The following PCDHGA6 variants were observed in gnomAD, a reference collection of about 807,000 sequenced individuals.
PCDHGA6 encodes protocadherin gamma subfamily A, 6.
PCDHGA6 carries 41 observed loss-of-function variants against 60.6 expected under a neutral mutation model. The ratio of observed to expected loss-of-function variants is 0.68; its 90% CI spans 0.53 to 0.88. PCDHGA6 has a LOEUF of 0.88. PCDHGA6 is among the 40% of genes least tolerant of loss of function. The pLI, the probability that PCDHGA6 is intolerant of heterozygous loss-of-function variation, is 0.00. For synonymous variants in PCDHGA6, 594 were observed against 524.4 expected (o/e 1.13, Z -1.81); for missense variants, 1,312 against 1,203.0 (o/e 1.09, Z -1.34).
rs368791778 is a variant in PCDHGA6, at chr5:141,409,216, T to C, written c.2424+32709T>C. The C allele has an allele frequency of 4.3e-6, 7 of 1,613,886 alleles. No homozygotes were observed. The African/African-American group carries it at 9.3e-5, about 22-fold the overall frequency. On this transcript the variant is annotated intron_variant, in intron 1 of 3. Coordinates refer to ENST00000517434, the MANE Select transcript of PCDHGA6 (RefSeq NM_018919.3). ...AGTGTAAAGTAATCATAGAAATCCT[T>C]GATGAAAACGACAACAGCCCAGAAA...
intron 1 of PCDHGA6, chr5:141,400,610 T>C (rs1561677991): frequency 3.2e-6 from 5 of 1,573,090 alleles, no homozygotes; most frequent in Non-Finnish European, 4.4e-6. Flanking sequence ...TCAAGTCCAA[T>C]GAGTTGTCTT....
chr5:141,476,929 G>T lies in PCDHGA6; in HGVS notation c.2425-17878G>T, dbSNP rs1375082202. 6.2e-7 allele frequency: 1 copy of T among 1,614,136 alleles called. No homozygotes were observed. Among genetic ancestry groups the T allele is most frequent in the Admixed American group, 1.7e-5 (1 of 60,034 alleles). On this transcript the variant is annotated intron_variant, in intron 1 of 3. Transcript: ENST00000517434. This position sits in a 1 kb window ranked among gnomAD's most constrained non-coding sequence, Gnocchi z 7.6. ...TGGTACAAGTCCTTGCAACGGATCT[G>T]GATGAAGGCCCCAACGGTGAAATTA...
At chr5:141,507,676 A>G (rs2099862523) in intron 3 of PCDHGA6, among the ~76,000 whole-genome samples, 1 of 152,252 alleles carries the variant, frequency 6.6e-6, no homozygotes, top group African/African-American at 2.4e-5. Flanking sequence ...TCCAGATGTT[A>G]AAAACAGAAA....
intron 1 of PCDHGA6, chr5:141,423,466 G>C (rs770939556): frequency 1.2e-6 from 2 of 1,613,904 alleles, no homozygotes; most frequent in Admixed American, 3.3e-5. Context: ...CGTGGACGGG[G>C]TACAGGCTTT....
intron 1 of PCDHGA6, among the ~76,000 whole-genome samples, chr5:141,458,445 T>G (rs180720013): frequency 6.6e-6 from 1 of 151,738 alleles, no homozygotes; most frequent in East Asian, 1.9e-4. Flanking sequence ...TCCCCCACAT[T>G]AACAATTTTT....
At position 141,491,856 on chromosome 5, in the gene PCDHGA6, C is replaced by T; in HGVS notation, c.2425-2951C>T. 1.4e-6 allele frequency: 2 copies of T among 1,458,728 alleles called. No individual in the cohort carries two copies. Among genetic ancestry groups the T allele is most frequent in the Non-Finnish European group, 1.8e-6 (2 of 1,103,072 alleles). 90.4% of individuals were successfully genotyped at this position (1,458,728 alleles called of 1,614,324 possible). A position where few individuals can be genotyped will look rare whatever the true frequency, so the allele number is the denominator to read the frequency against. ...TCTCGGGATCATTGGACCGTTTGCG[C>T]GAAACCAGAGTGGCCGATTAAGGGA... On this transcript the variant is annotated intron_variant, in intron 1 of 3. Coordinates refer to ENST00000517434, the MANE Select transcript of PCDHGA6 (RefSeq NM_018919.3). The surrounding 1 kb of genome is among the most constrained non-coding windows in gnomAD (Gnocchi z 6.9).
At position 141,374,492 on chromosome 5, in the gene PCDHGA6, G is replaced by A. The variant is rs770971184; in HGVS notation, c.409G>A (p.Glu137Lys). The A allele has an allele frequency of 5.3e-5, 85 of 1,611,364 alleles. No individual in the cohort carries two copies. The highest frequency in any genetic ancestry group is 6.9e-5 in the Non-Finnish European group (81 of 1,177,766). The change falls in exon 1 of 4, where the codon GAA becomes AAA. Residue 137 changes from glutamate (E) to lysine (K), a missense_variant. Transcript: ENST00000517434. ...CAATACACCCCGATTCTTAAAGGAA[G>A]AATTGGAAGTGAAAATTCTCGAAAA... is the stretch of plus-strand genomic sequence containing the variant. ...NDNTPRFLKE[E>K]LEVKILENAA...
At chr5:141,404,089 T>A in intron 1 of PCDHGA6, 2 of 1,613,496 alleles carry the variant, frequency 1.2e-6, no homozygotes, top group Non-Finnish European at 1.7e-6. Flanking sequence ...CCGGGAAGAA[T>A]GGTCAAGTTG....
At position 141,486,250 on chromosome 5, in the gene PCDHGA6, C is replaced by T; in HGVS notation, c.2425-8557C>T. 1 of 1,614,140 alleles carries T rather than the reference C, an allele frequency of 6.2e-7. No homozygotes were observed. The highest frequency in any genetic ancestry group is 2.2e-5 in the East Asian group (1 of 44,872). On this transcript the variant is annotated intron_variant, in intron 1 of 3. Coordinates refer to ENST00000517434, the MANE Select transcript of PCDHGA6 (RefSeq NM_018919.3). The surrounding 1 kb of genome is among the most constrained non-coding windows in gnomAD (Gnocchi z 5.0). ...CAGTGACCTCAGAGCTTGGAACCCT[C>T]CCCGAGAGTGCAGAACCTGGCACTG...
chr5:141,377,940 A>G (rs112263014), intron 1 of PCDHGA6: 1 of 152,188 alleles, frequency 6.6e-6, no homozygotes, highest in Non-Finnish European at 1.5e-5. Context: ...TGCTGCTTAT[A>G]GAGTGTGTAT....
chr5:141,398,165 G>A (rs574512663), intron 1 of PCDHGA6: 4 of 1,479,272 alleles, frequency 2.7e-6, no homozygotes, highest in South Asian at 2.8e-5. Context: ...CGGGCTGAGA[G>A]GCTGCCAGTG....
intron 1 of PCDHGA6, chr5:141,427,502 G>A (rs1276688816): frequency 1.7e-6 from 1 of 576,718 alleles, no homozygotes; most frequent in East Asian, 4.0e-5. Flanking sequence ...TAACAGATGG[G>A]ACCCTGGATT....
chr5:141,454,097 C>T (rs1021353610), intron 1 of PCDHGA6, among the ~76,000 whole-genome samples: 10 of 152,292 alleles, frequency 6.6e-5, no homozygotes, highest in Middle Eastern at 3.4e-3. Flanking sequence ...TTGAATTGAA[C>T]ATAAATGGAG....
Position 141,486,534 on chromosome 5 carries a change from C to G in PCDHGA6, c.2425-8273C>G. The stretch of plus-strand genomic sequence containing the variant: ...TCAGATGTGAATGATAATCCACCCT[C>G]TTTCTTTCAGAGGTCACATGAGGTG... On this transcript the variant is annotated intron_variant, in intron 1 of 3. Transcript: ENST00000517434. The surrounding 1 kb of genome is among the most constrained non-coding windows in gnomAD (Gnocchi z 5.0). 1 of 1,614,176 alleles carries G rather than the reference C, an allele frequency of 6.2e-7. No individual in the cohort carries two copies. Among genetic ancestry groups the G allele is most frequent in the Non-Finnish European group, 8.5e-7 (1 of 1,180,030 alleles).
At position 141,489,318 on chromosome 5, in the gene PCDHGA6, G is replaced by T; in HGVS notation, c.2425-5489G>T. On this transcript the variant is annotated intron_variant, in intron 1 of 3. Coordinates refer to ENST00000517434, the MANE Select transcript of PCDHGA6 (RefSeq NM_018919.3). The surrounding 1 kb of genome is among the most constrained non-coding windows in gnomAD (Gnocchi z 4.5). ...TGTTGTCCTTGTGCTGCTGGGGCTG[G>T]GTGTCTGGGCAGCTTCGTTACTCAG... The T allele has an allele frequency of 6.3e-7, 1 of 1,599,092 alleles. No homozygotes were observed. Among genetic ancestry groups the T allele is most frequent in the Non-Finnish European group, 8.5e-7 (1 of 1,171,660 alleles).
At chr5:141,478,488 G>A in intron 1 of PCDHGA6, 1 of 1,613,320 alleles carries the variant, frequency 6.2e-7, no homozygotes, top group Non-Finnish European at 8.5e-7. Context: ...ACGCTGCGGA[G>A]CTGTGATCCG....
At chr5:141,408,479 G>A in intron 1 of PCDHGA6, 1 of 1,614,074 alleles carries the variant, frequency 6.2e-7, no homozygotes, top group Non-Finnish European at 8.5e-7. Flanking sequence ...AATAGACCGT[G>A]AGCAAATATG....
At position 141,399,661 on chromosome 5, in the gene PCDHGA6, G is replaced by T. The variant is rs1021211609; in HGVS notation, c.2424+23154G>T. The T allele has an allele frequency of 6.8e-6, 11 of 1,613,526 alleles. No individual in the cohort carries two copies. Among genetic ancestry groups the T allele is most frequent in the Non-Finnish European group, 9.3e-6 (11 of 1,179,892 alleles). ...GAGCGCGCAAAGTGGGGTGGTGTTC[G>T]CGCAGCGCGCCTTTGACTACGAGCA... On this transcript the variant is annotated intron_variant, in intron 1 of 3. Transcript: ENST00000517434.
chr5:141,394,018 A>T (rs2092900242), intron 1 of PCDHGA6: 1 of 1,613,496 alleles, frequency 6.2e-7, no homozygotes. Flanking sequence ...GGTAATTATT[A>T]TAGATTAGTG....
Sources: allele counts gnomAD v4.1 joint callset (sites outside exome capture counted in the v4.1 genomes callset), GRCh38; gene constraint gnomAD v4.1.1; non-coding constraint Gnocchi (gnomAD v3.1); transcripts MANE v1.5; gene names NCBI Gene and HGNC (gene_info 2026-07-23, HGNC 2026-07-21).